Variants in DGKB observed in about 807,000 individuals in gnomAD.
DGKB encodes 90 kDa diacylglycerol kinase.
DGKB carries 67 observed loss-of-function variants against 114.3 expected under a neutral mutation model. The observed-to-expected ratio is 0.59, with a 90% CI of 0.48 to 0.72. The LOEUF (loss-of-function observed/expected upper bound fraction) is 0.72. Among genes scored for constraint, DGKB ranks in the 30% least tolerant of loss-of-function variants. The probability of loss-of-function intolerance (pLI) is 0.00; values close to 1 mark genes in which losing one functional copy is unlikely to be tolerated. For missense variants in DGKB, 907 were observed against 975.2 expected (o/e 0.93, Z 0.93); for synonymous variants, 398 against 323.1 (o/e 1.23, Z -2.49).
chr7:14,731,135 T>G (rs1176818935), intron 5 of DGKB, among the ~76,000 whole-genome samples: 1 of 152,146 alleles, frequency 6.6e-6, no homozygotes, highest in Non-Finnish European at 1.5e-5. Context: ...ATTCCAGTAT[T>G]TTAGGACTGG....
chr7:14,492,121 T>C (rs1217518715), intron 20 of DGKB, among the ~76,000 whole-genome samples: 2 of 152,124 alleles, frequency 1.3e-5, no homozygotes, highest in African/African-American at 4.8e-5. Flanking sequence ...AATTAAAATC[T>C]ATTGTGTATC....
chr7:14,688,805 T>C (rs553891409), intron 9 of DGKB, among the ~76,000 whole-genome samples: 3 of 140,870 alleles, frequency 2.1e-5, no homozygotes, highest in African/African-American at 8.1e-5. Flanking sequence ...ATTCTAAAGT[T>C]TTAGTTTTTC....
chr7:14,485,618 G>A (rs537226564), intron 20 of DGKB, among the ~76,000 whole-genome samples: 99 of 151,934 alleles, frequency 6.5e-4, no homozygotes, highest in African/African-American at 2.2e-3. Context: ...GGGACACCTG[G>A]CCGGGTGCGG....
intron 23 of DGKB, among the ~76,000 whole-genome samples, chr7:14,251,512 G>GTTTGTCTATTA (rs1795232017): frequency 6.6e-6 from 1 of 151,978 alleles, no homozygotes; most frequent in Admixed American, 6.6e-5. Flanking sequence ...TTAACTTTTA[G>GTTTGTCTATTA]ACCAGATTAA....
intron 23 of DGKB, among the ~76,000 whole-genome samples, chr7:14,244,627 G>A (rs966647000): frequency 3.6e-5 from 5 of 138,762 alleles, no homozygotes; most frequent in Admixed American, 1.6e-4. Flanking sequence ...CTGAGATCAC[G>A]CCACTGCAAT....
At chr7:14,515,807 A>C (rs1478129802) in intron 20 of DGKB, among the ~76,000 whole-genome samples, 2 of 152,302 alleles carry the variant, frequency 1.3e-5, no homozygotes, top group African/African-American at 4.8e-5. Flanking sequence ...GAACTATAAG[A>C]GGACTTCTCA....
intron 23 of DGKB, among the ~76,000 whole-genome samples, chr7:14,230,411 GA>G (rs1791532238): frequency 6.6e-6 from 1 of 151,754 alleles, no homozygotes; most frequent in Admixed American, 6.6e-5. Flanking sequence ...TCTCTTACCT[GA>G]AAAATGGTGT....
intron 2 of DGKB, among the ~76,000 whole-genome samples, chr7:14,763,387 TAG>T (rs1835994853): frequency 6.6e-6 from 1 of 152,110 alleles, no homozygotes; most frequent in Non-Finnish European, 1.5e-5. Flanking sequence ...ATGAGCATTT[TAG>T]AGTTTGCAAA....
intron 23 of DGKB, among the ~76,000 whole-genome samples, chr7:14,193,027 C>A (rs947725029): frequency 6.6e-6 from 1 of 152,014 alleles, no homozygotes; most frequent in Admixed American, 6.6e-5. Flanking sequence ...GGCGGTAATG[C>A]GAGTGATGGG....
chr7:14,314,276 G>C (rs1289528641), intron 23 of DGKB, among the ~76,000 whole-genome samples: 1 of 152,064 alleles, frequency 6.6e-6, no homozygotes, highest in Non-Finnish European at 1.5e-5. Context: ...AACAAAGCTG[G>C]ACAGAGAATG....
intron 25 of DGKB, chr7:14,176,534 C>G (rs758886218): frequency 1.2e-5 from 13 of 1,051,302 alleles, no homozygotes; most frequent in Non-Finnish European, 1.4e-5. Context: ...TTCAGATAAA[C>G]TTTTATTAAT....
intron 20 of DGKB, among the ~76,000 whole-genome samples, chr7:14,569,160 C>T (rs1460792789): frequency 6.6e-6 from 1 of 152,106 alleles, no homozygotes; most frequent in Non-Finnish European, 1.5e-5. Flanking sequence ...AGATCTATTG[C>T]TCTGATTATG....
At chr7:14,340,422 T>C (rs1175066854) in intron 22 of DGKB, among the ~76,000 whole-genome samples, 1 of 151,624 alleles carries the variant, frequency 6.6e-6, no homozygotes, top group Non-Finnish European at 1.5e-5. Context: ...GATAATTAGA[T>C]AGTACATATT....
intron 20 of DGKB, among the ~76,000 whole-genome samples, chr7:14,530,009 TG>T (rs1315633145): frequency 3.3e-5 from 5 of 151,840 alleles, no homozygotes; most frequent in Non-Finnish European, 7.4e-5. Flanking sequence ...CAAAATGGAC[TG>T]GAGTAGATTT....
At chr7:14,530,507 T>G (rs1791404178) in intron 20 of DGKB, among the ~76,000 whole-genome samples, 1 of 151,554 alleles carries the variant, frequency 6.6e-6, no homozygotes, top group Admixed American at 6.6e-5. Flanking sequence ...AATTTAAAAT[T>G]TATACCTCCT....
At chr7:14,440,693 C>T (rs750206330) in intron 21 of DGKB, among the ~76,000 whole-genome samples, 13 of 152,094 alleles carry the variant, frequency 8.5e-5, no homozygotes, top group Non-Finnish European at 1.3e-4. Context: ...ATAAGTAATG[C>T]AAATAATGTT....
chr7:14,563,396 T>C (rs1796953798), intron 20 of DGKB, among the ~76,000 whole-genome samples: 1 of 152,224 alleles, frequency 6.6e-6, no homozygotes, highest in Admixed American at 6.5e-5. Flanking sequence ...GACAAAAAAC[T>C]TCTAAAATTC....
At chr7:14,184,180 C>T (rs923932325) in intron 23 of DGKB, among the ~76,000 whole-genome samples, 2 of 152,126 alleles carry the variant, frequency 1.3e-5, no homozygotes, top group African/African-American at 4.8e-5. Flanking sequence ...TGGCACCATA[C>T]CACAGGGATC....
chr7:14,319,562 T>G (rs564798736), intron 23 of DGKB, among the ~76,000 whole-genome samples: 2 of 152,278 alleles, frequency 1.3e-5, no homozygotes, highest in South Asian at 4.1e-4. Flanking sequence ...AAGCAAAAGT[T>G]CTTTAGGATT....
Sources: allele counts gnomAD v4.1 joint callset (sites outside exome capture counted in the v4.1 genomes callset), GRCh38; gene constraint gnomAD v4.1.1; transcripts MANE v1.5; gene names NCBI Gene and HGNC (gene_info 2026-07-23, HGNC 2026-07-21).